The following CDH13 variants were observed in gnomAD, a reference collection of about 807,000 sequenced individuals.
The protein encoded by CDH13 is cadherin 13.
A neutral mutation model predicts 63.8 loss-of-function variants in CDH13; 24 were observed. That is an observed-to-expected ratio of 0.38 (90% confidence interval 0.27 to 0.53). CDH13 has a LOEUF of 0.53. Among genes scored for constraint, CDH13 ranks in the 20% least tolerant of loss-of-function variants. The probability of loss-of-function intolerance (pLI) is 0.85; values close to 1 mark genes in which losing one functional copy is unlikely to be tolerated. For synonymous variants in CDH13, 503 were observed against 355.3 expected (o/e 1.42, Z -4.67); for missense variants, 1,049 against 903.1 (o/e 1.16, Z -2.07).
In CDH13 at chr16:83,574,814, G is replaced by A. The variant is rs906438996; in HGVS notation, c.961-27640G>A. On this transcript the variant is annotated intron_variant, in intron 7 of 13. Transcript: ENST00000567109. ...AACTTCTGGGGCCAACAGGGCTCCA[G>A]AATTTACTCCCTGCAATATCCATGA... Among the ~76,000 whole-genome samples, 9 of 152,176 alleles carry A rather than the reference G, an allele frequency of 5.9e-5. No individual in the cohort carries two copies. The East Asian group carries it at 1.7e-3, about 29-fold the overall frequency.
At chr16:82,884,086 A>G in intron 2 of CDH13, 1 of 435,330 alleles carries the variant, frequency 2.3e-6, no homozygotes, top group South Asian at 1.6e-5. Flanking sequence ...TGCCATGTAG[A>G]TGTTCATTAG....
chr16:83,420,702 C>T (rs1010342345), intron 6 of CDH13, among the ~76,000 whole-genome samples: 1 of 152,176 alleles, frequency 6.6e-6, no homozygotes, highest in Non-Finnish European at 1.5e-5. Context: ...CACTATAGGC[C>T]ATCTGCAAGC....
At chr16:83,003,319 T>G (rs1597389794) in intron 2 of CDH13, among the ~76,000 whole-genome samples, 1 of 152,162 alleles carries the variant, frequency 6.6e-6, no homozygotes, top group African/African-American at 2.4e-5. Flanking sequence ...GTCTTCAGAA[T>G]GTTTCAGTAG....
At chr16:82,794,033 G>C (rs2036452225) in intron 1 of CDH13, among the ~76,000 whole-genome samples, 1 of 152,024 alleles carries the variant, frequency 6.6e-6, no homozygotes, top group Non-Finnish European at 1.5e-5. Context: ...AAAGCAGAAA[G>C]GGAACTGGGG....
intron 2 of CDH13, among the ~76,000 whole-genome samples, chr16:82,997,542 A>G (rs1912382792): frequency 6.6e-6 from 1 of 152,238 alleles, no homozygotes; most frequent in Non-Finnish European, 1.5e-5. Context: ...TGCACAATAT[A>G]TTCTATTTAC....
intron 3 of CDH13, among the ~76,000 whole-genome samples, chr16:83,076,290 G>T (rs1414289717): frequency 6.6e-6 from 1 of 152,132 alleles, no homozygotes; most frequent in African/African-American, 2.4e-5. Context: ...ACTAGGAAAT[G>T]ACTGAAGCAT....
At position 83,104,348 on chromosome 16, in the gene CDH13, C is replaced by G. The variant is rs952287007; in HGVS notation, c.367-21037C>G. Among the ~76,000 whole-genome samples the G allele has an allele frequency of 5.3e-5, 8 of 152,138 alleles. No individual in the cohort carries two copies. The East Asian group carries it at 1.5e-3, about 29-fold the overall frequency. On this transcript the variant is annotated intron_variant, in intron 3 of 13. Transcript: ENST00000567109. ...ATTGTGAAGAATTTATTAATGTAAA[C>G]TGCATGGTGTGGAATAGAGGTTGGG...
chr16:83,322,728 C>A (rs1238983769), intron 5 of CDH13, among the ~76,000 whole-genome samples: 1 of 152,054 alleles, frequency 6.6e-6, no homozygotes, highest in Non-Finnish European at 1.5e-5. Context: ...CTAATGTATT[C>A]AGGTTTAAAG....
At chr16:82,790,098 C>T (rs150128308) in intron 1 of CDH13, among the ~76,000 whole-genome samples, 162 of 152,214 alleles carry the variant, frequency 1.1e-3, no homozygotes, top group African/African-American at 3.6e-3. Context: ...TTTACACACA[C>T]ATGCCTACAC....
At chr16:82,957,174 C>G (rs1906247439) in intron 2 of CDH13, among the ~76,000 whole-genome samples, 1 of 152,170 alleles carries the variant, frequency 6.6e-6, no homozygotes, top group Non-Finnish European at 1.5e-5. Context: ...TTGAAATACA[C>G]AAGTGGAAAG....
chr16:83,591,235 C>T (rs1225246198), intron 7 of CDH13, among the ~76,000 whole-genome samples: 1 of 152,182 alleles, frequency 6.6e-6, no homozygotes, highest in African/African-American at 2.4e-5. Flanking sequence ...GAAGCAGTGA[C>T]TCTGACTCTA....
At position 83,250,922 on chromosome 16, in the gene CDH13, A is replaced by G. The variant is rs968840343; in HGVS notation, c.636+33425A>G. 2.0e-5 allele frequency among the ~76,000 whole-genome samples: 3 copies of G among 152,202 alleles called. No homozygotes were observed. The South Asian group carries it at 6.2e-4, about 32-fold the overall frequency. On this transcript the variant is annotated intron_variant, in intron 5 of 13. Transcript: ENST00000567109. ...TTATGCAAACATGAAGTATTGAACT[A>G]TATGGAAGTATTTATCTGTTTAAAC...
intron 2 of CDH13, among the ~76,000 whole-genome samples, chr16:83,003,684 C>A (rs749477525): frequency 6.6e-6 from 1 of 152,200 alleles, no homozygotes; most frequent in Non-Finnish European, 1.5e-5. Context: ...TAAAACTTAA[C>A]TTACCTCTCT....
intron 10 of CDH13, among the ~76,000 whole-genome samples, chr16:83,687,208 G>A (rs1048235103): frequency 5.9e-5 from 9 of 151,556 alleles, no homozygotes; most frequent in South Asian, 2.1e-4. Flanking sequence ...GTGAGACTTC[G>A]TCTAGAAAAA....
At chr16:83,092,628 C>T (rs1400733112) in intron 3 of CDH13, among the ~76,000 whole-genome samples, 1 of 152,030 alleles carries the variant, frequency 6.6e-6, no homozygotes, top group African/African-American at 2.4e-5. Flanking sequence ...CTTTCTTTGC[C>T]GCTTTAAAGG....
intron 1 of CDH13, among the ~76,000 whole-genome samples, chr16:82,771,649 A>G (rs1269639988): frequency 6.6e-6 from 1 of 152,208 alleles, no homozygotes; most frequent in Non-Finnish European, 1.5e-5. Flanking sequence ...AGGTCTGTCC[A>G]GCTTTAGAAT....
chr16:82,874,875 A>C lies in CDH13; in HGVS notation c.157+16402A>C, dbSNP rs965476555. 4.6e-5 allele frequency among the ~76,000 whole-genome samples: 7 copies of C among 152,292 alleles called. No individual in the cohort carries two copies. In the Middle Eastern group the frequency reaches 0.01, roughly 222 times the overall value. ...TGAAGAGGGGAAGGAGAATAAGAAT[A>C]GGGAGGACTGAACTTAGAGGGCAGT... On this transcript the variant is annotated intron_variant, in intron 2 of 13. Transcript: ENST00000567109.
intron 1 of CDH13, among the ~76,000 whole-genome samples, chr16:82,795,647 T>G (rs2036543463): frequency 6.6e-6 from 1 of 152,266 alleles, no homozygotes; most frequent in Non-Finnish European, 1.5e-5. Context: ...AGTTGTTAAG[T>G]AGGGGGACAG....
intron 4 of CDH13, among the ~76,000 whole-genome samples, chr16:83,128,353 C>T (rs2035901662): frequency 6.6e-6 from 1 of 152,150 alleles, no homozygotes; most frequent in Non-Finnish European, 1.5e-5. Context: ...TCATGTCCCA[C>T]CCCAAAACCA....
Sources: allele counts gnomAD v4.1 joint callset (sites outside exome capture counted in the v4.1 genomes callset), GRCh38; gene constraint gnomAD v4.1.1; transcripts MANE v1.5; gene names NCBI Gene and HGNC (gene_info 2026-07-23, HGNC 2026-07-21).